Variants in GALM observed in about 807,000 individuals in gnomAD.
The protein encoded by GALM is aldose 1-epimerase.
A neutral mutation model predicts 37.4 loss-of-function variants in GALM; 43 were observed. The observed-to-expected ratio is 1.15, with a 90% CI of 0.90 to 1.48. GALM has a LOEUF of 1.48. GALM is among the 40% of genes most tolerant of loss of function. The pLI is 0.00. For missense variants in GALM, 456 were observed against 419.1 expected, an observed-to-expected ratio of 1.09 and a Z score of -0.77; for synonymous variants, 199 against 170.6, an observed-to-expected ratio of 1.17 and a Z score of -1.30.
chr2:38,729,249 G>A (rs1415691700), intron 4 of GALM, among the ~76,000 whole-genome samples: 3 of 151,804 alleles, frequency 2.0e-5, no homozygotes, highest in African/African-American at 7.3e-5. Context: ...GTGCAGTGGT[G>A]CAATCATGGT....
At position 38,682,257 on chromosome 2, in the gene GALM, T is replaced by G. The variant is rs371287199; in HGVS notation, c.552+771T>G. Reference sequence around the variant, plus strand: ...CTCCTAAAGGTAACAGTTTAGCTCATTGAGGAGGATATCATATCAGACAGA... The same window carrying G: ...CTCCTAAAGGTAACAGTTTAGCTCAGTGAGGAGGATATCATATCAGACAGA... On this transcript the variant is annotated intron_variant, in intron 3 of 6. Coordinates refer to ENST00000272252, the MANE Select transcript of GALM (RefSeq NM_138801.3). 396 of 455,564 alleles carry G rather than the reference T, an allele frequency of 8.7e-4. 1 individual carries two copies. Among genetic ancestry groups the G allele is most frequent in the African/African-American group, 7.4e-3 (373 of 50,248 alleles). 28.2% of individuals were successfully genotyped at this position (455,564 alleles called of 1,614,324 possible). A position where few individuals can be genotyped will look rare whatever the true frequency, so the allele number is the denominator to read the frequency against.
chr2:38,725,646 A>T (rs1666471577), intron 4 of GALM, among the ~76,000 whole-genome samples: 1 of 152,028 alleles, frequency 6.6e-6, no homozygotes, highest in East Asian at 1.9e-4. Flanking sequence ...GCATAGCAGG[A>T]CCCTGTCTTT....
At chr2:38,732,507 TTC>T (rs1176894089) in intron 6 of GALM, among the ~76,000 whole-genome samples, 1 of 152,240 alleles carries the variant, frequency 6.6e-6, no homozygotes, top group Non-Finnish European at 1.5e-5. Flanking sequence ...CCTTCTCGTT[TTC>T]TGCAGCCACA....
intron 3 of GALM, among the ~76,000 whole-genome samples, chr2:38,689,104 G>A (rs578138125): frequency 6.6e-6 from 1 of 152,324 alleles, no homozygotes; most frequent in African/African-American, 2.4e-5. Context: ...ACAGGCATGA[G>A]CCACCGCGCC....
At chr2:38,671,881 A>G (rs530267346) in intron 1 of GALM, among the ~76,000 whole-genome samples, 21 of 152,132 alleles carry the variant, frequency 1.4e-4, no homozygotes, top group African/African-American at 5.1e-4. Context: ...AGTCCCAGCT[A>G]TTTGGGAGGC....
intron 4 of GALM, among the ~76,000 whole-genome samples, chr2:38,697,733 A>G (rs1237504593): frequency 6.6e-6 from 1 of 152,098 alleles, no homozygotes. Flanking sequence ...TTAGTAACCC[A>G]CTTATGGATG....
intron 4 of GALM, among the ~76,000 whole-genome samples, chr2:38,718,652 C>T (rs1029171062): frequency 1.1e-4 from 17 of 151,604 alleles, no homozygotes; most frequent in African/African-American, 4.1e-4. Flanking sequence ...ACAGGATGGA[C>T]CTGTGCTGAG....
At chr2:38,694,920 AG>A (rs1665770376) in intron 4 of GALM, among the ~76,000 whole-genome samples, 16 of 151,188 alleles carry the variant, frequency 1.1e-4, no homozygotes, top group Middle Eastern at 3.4e-3. Context: ...AAACAAAAAA[AG>A]AAAGGGAAAG....
chr2:38,727,783 G>C (rs1394789961), intron 4 of GALM, among the ~76,000 whole-genome samples: 3 of 151,140 alleles, frequency 2.0e-5, no homozygotes, highest in Non-Finnish European at 4.4e-5. Context: ...TACTCAGATA[G>C]ATTTGTGTGT....
At chr2:38,685,949 G>C (rs1048970761) in intron 3 of GALM, among the ~76,000 whole-genome samples, 3 of 152,014 alleles carry the variant, frequency 2.0e-5, no homozygotes, top group African/African-American at 7.2e-5. Context: ...CTGACCTGAA[G>C]TGATCCGCCC....
chr2:38,686,224 C>CTT (rs1665516260), intron 3 of GALM, among the ~76,000 whole-genome samples: 1 of 9,976 alleles, frequency 1.0e-4, no homozygotes, highest in South Asian at 4.2e-3. Context: ...GTGGAAATTT[C>CTT]TTTCTTTCTT....
chr2:38,680,546 CTTAT>C (rs756196698), intron 2 of GALM, among the ~76,000 whole-genome samples: 55 of 152,130 alleles, frequency 3.6e-4, no homozygotes, highest in Non-Finnish European at 2.9e-5. Flanking sequence ...GCACAAATGC[CTTAT>C]TTGTTTTGAA....
intron 4 of GALM, among the ~76,000 whole-genome samples, chr2:38,722,051 C>CA (rs1558596067): frequency 8.2e-6 from 1 of 121,794 alleles, no homozygotes; most frequent in Non-Finnish European, 1.8e-5. Context: ...CCCCCCCCCC[C>CA]CACCTAGAAC....
At position 38,729,569 on chromosome 2, in the gene GALM, A is replaced by T. The variant is rs1362428392; in HGVS notation, c.648A>T (p.Pro216=). The change falls in exon 5 of 7, where the codon CCA becomes CCT. Residue 216 remains proline (P), a synonymous_variant. Transcript: ENST00000272252. ...TCTTCCCATCAGGAGAAGTTGCCCC[A>T]GTGCAAGGCACTGCATTCGACCTGA... ...ETLIPTGEVA[P]VQGTAFDLRK... 6.2e-7 allele frequency: 1 copy of T among 1,613,352 alleles called. No homozygotes were observed.
At chr2:38,688,527 G>T (rs576405978) in intron 3 of GALM, among the ~76,000 whole-genome samples, 246 of 150,574 alleles carry the variant, frequency 1.6e-3, no homozygotes, top group Middle Eastern at 6.8e-3. Context: ...AAAAAAAAAA[G>T]TCAAATGTCA....
chr2:38,699,167 G>A (rs1665868612), intron 4 of GALM, among the ~76,000 whole-genome samples: 1 of 152,088 alleles, frequency 6.6e-6, no homozygotes, highest in South Asian at 2.1e-4. Context: ...GCCCACCTCG[G>A]CCTCTCAAAG....
intron 4 of GALM, among the ~76,000 whole-genome samples, chr2:38,720,746 C>T (rs1666359963): frequency 6.6e-6 from 1 of 152,166 alleles, no homozygotes; most frequent in African/African-American, 2.4e-5. Flanking sequence ...TTGATGTTGG[C>T]TGTTGGCTGG....
At chr2:38,694,904 A>C (rs2148438942) in intron 4 of GALM, among the ~76,000 whole-genome samples, 1 of 151,140 alleles carries the variant, frequency 6.6e-6, no homozygotes, top group Admixed American at 6.6e-5. Flanking sequence ...CTCAAAAAAA[A>C]AAAAAAAACA....
intron 2 of GALM, among the ~76,000 whole-genome samples, chr2:38,677,906 G>A (rs564848439): frequency 7.8e-4 from 119 of 152,080 alleles, no homozygotes; most frequent in Non-Finnish European, 1.5e-3. Context: ...CAGCCTAGGA[G>A]ATAGGATTGG....
Sources: allele counts gnomAD v4.1 joint callset (sites outside exome capture counted in the v4.1 genomes callset), GRCh38; gene constraint gnomAD v4.1.1; transcripts MANE v1.5; gene names NCBI Gene and HGNC (gene_info 2026-07-23, HGNC 2026-07-21).